Variants in FIGNL1 observed in about 807,000 individuals in gnomAD.
FIGNL1 encodes fidgetin-like protein 1.
Under a neutral mutation model 28.9 loss-of-function variants are expected in FIGNL1, and 11 were observed. The observed-to-expected ratio is 0.38, with a 90% confidence interval of 0.24 to 0.63. The LOEUF is 0.63. Ranked by LOEUF, FIGNL1 falls within the 20% of genes least tolerant of loss-of-function variation. The probability of loss-of-function intolerance (pLI) is 0.57; values close to 1 mark genes in which losing one functional copy is unlikely to be tolerated. For missense variants in FIGNL1, 789 were observed against 810.4 expected (o/e 0.97, Z 0.32); for synonymous variants, 295 against 276.5 (o/e 1.07, Z -0.66).
chr7:50,449,747 C>G (rs1821651755), intron 1 of FIGNL1, 24 bp from the exon 2 acceptor site: 1 of 152,276 alleles, frequency 6.6e-6, no homozygotes, highest in Non-Finnish European at 1.5e-5. Flanking sequence ...GCAGCAACAT[C>G]ACTGAGCTGA....
At position 50,444,884 on chromosome 7, in the gene FIGNL1, A is replaced by C. The variant is rs1224223532; in HGVS notation, c.*379T>G. On this transcript the variant is annotated 3_prime_UTR_variant, in exon 4 of 4. Transcript: ENST00000433017. ...CAAATGTAAACCATTATACTAGCTG[A>C]CATTAAGAATTATGTGGCCATCAGA... is the stretch of plus-strand genomic sequence containing the variant. The C allele has an allele frequency of 6.4e-6, 1 of 155,690 alleles. No homozygotes were observed. The highest frequency in any genetic ancestry group is 2.4e-5 in the African/African-American group (1 of 41,612). 9.6% of individuals were successfully genotyped at this position (155,690 alleles called of 1,614,324 possible).
rs1181436707 is a variant in FIGNL1, at chr7:50,444,669, A to G, written c.*594T>C. 4 of 152,364 alleles carry G rather than the reference A, an allele frequency of 2.6e-5. No homozygotes were observed. The highest frequency in any genetic ancestry group is 3.9e-4 in the East Asian group (2 of 5,194). The allele number at this position is 152,364 out of a possible 1,614,324, so 9.4% of individuals were successfully genotyped here. ...ATCACACGCTCCCGTGAAAATAACC[A>G]ACATTCTTAATTAACCTTTCAGTTC... On this transcript the variant is annotated 3_prime_UTR_variant, in exon 4 of 4. Transcript: ENST00000433017.
In FIGNL1 at chr7:50,445,236, G is replaced by C. The variant is rs1389533748; in HGVS notation, c.*27C>G. 5 of 1,411,780 alleles carry C rather than the reference G, an allele frequency of 3.5e-6. No individual in the cohort carries two copies. Among genetic ancestry groups the C allele is most frequent in the Admixed American group, 2.3e-5 (1 of 43,760 alleles). 87.5% of individuals were successfully genotyped at this position (1,411,780 alleles called of 1,614,324 possible). ...AAAAAATAAAGAAGACTGTACTACA[G>C]AGATGCCTTGATTCCAAGTATCCCA... is the stretch of plus-strand genomic sequence containing the variant. On this transcript the variant is annotated 3_prime_UTR_variant, in exon 4 of 4. Transcript: ENST00000433017.
At position 50,446,849 on chromosome 7, in the gene FIGNL1, C is replaced by G. The variant is rs1562961637; in HGVS notation, c.439G>C (p.Asp147His). 6.2e-7 allele frequency: 1 copy of G among 1,614,114 alleles called. No individual in the cohort carries two copies. Among genetic ancestry groups the G allele is most frequent in the East Asian group, 2.2e-5 (1 of 44,882 alleles). ...CCACAAACACTAAATTTAGGAAGATCAAAGACAGTGGCCTCCTTATGGATT... is the reference window on the plus strand; with the variant it reads ...CCACAAACACTAAATTTAGGAAGATGAAAGACAGTGGCCTCCTTATGGATT... Reference protein sequence around the residue: ...VVIHKEATVFDLPKFSVCGSS... With the variant: ...VVIHKEATVFHLPKFSVCGSS... Residue 147 changes from aspartate (D) to histidine (H), a missense_variant, in exon 4 of 4, where the codon GAT becomes CAT. Asp to His is a moderately conservative substitution (Grantham distance 81). Coordinates refer to ENST00000433017, the MANE Select transcript of FIGNL1 (RefSeq NM_001287492.4).
rs754422904 is a variant in FIGNL1 at position 50,446,751 on chromosome 7, G to A, written c.537C>T (p.Ser179=). The A allele has an allele frequency of 1.7e-4, 275 of 1,614,052 alleles. No homozygotes were observed. Among genetic ancestry groups the A allele is most frequent in the Non-Finnish European group, 2.2e-4 (261 of 1,180,044 alleles). The part of the protein sequence containing the change: ...DRDRTQDFPE[S]NRLKLLQNAQ... ...CATTCTGAAGGAGTTTCAAACGATT[G>A]CTCTCCGGGAAGTCTTGGGTCCGGT... is the stretch of plus-strand genomic sequence containing the variant. Residue 179 remains serine, a synonymous_variant, in exon 4 of 4, where the codon AGC becomes AGT. Coordinates refer to ENST00000433017, the MANE Select transcript of FIGNL1 (RefSeq NM_001287492.4).
rs1425895204 is a variant in FIGNL1 at position 50,445,893 on chromosome 7, G to C, written c.1395C>G (p.Ile465Met). ...ATTTAGAAGTTAAGGATGAAGCAGA[G>C]ATGCTAAAGAATGTTGCCCCAGACT... The part of the protein sequence containing the change: ...ASQSGATFFS[I>M]SASSLTSKWV... The change falls in exon 4 of 4, where the codon ATC (isoleucine) becomes ATG (methionine). Residue 465 changes from isoleucine (I) to methionine (M), a missense_variant. Ile to Met is a conservative substitution (Grantham distance 10). Transcript: ENST00000433017. The C allele has an allele frequency of 1.9e-6, 3 of 1,614,010 alleles. No homozygotes were observed. Among genetic ancestry groups the C allele is most frequent in the African/African-American group, 1.3e-5 (1 of 74,938 alleles).
chr7:50,448,820 A>G (rs1821497071), intron 2 of FIGNL1: 1 of 152,246 alleles, frequency 6.6e-6, no homozygotes, highest in African/African-American at 2.4e-5. Context: ...TTGTTTAAAA[A>G]ACAATTAGAA....
At position 50,446,206 on chromosome 7, in the gene FIGNL1, T is replaced by C; in HGVS notation, c.1082A>G (p.Tyr361Cys). The C allele has an allele frequency of 6.2e-7, 1 of 1,614,222 alleles. No homozygotes were observed. Among genetic ancestry groups the C allele is most frequent in the Non-Finnish European group, 8.5e-7 (1 of 1,180,034 alleles). Residue 361 changes from tyrosine to cysteine, a missense_variant, in exon 4 of 4, where the codon TAT (tyrosine) becomes TGT (cysteine). By Grantham distance (194) the Tyr-to-Cys change is radical. Coordinates refer to ENST00000433017, the MANE Select transcript of FIGNL1 (RefSeq NM_001287492.4). ...EQNGGMQCKP[Y>C]GAGPTEPAHP... ...TGCTGGTTCTGTAGGTCCTGCCCCA[T>C]AAGGCTTACATTGCATTCCTCCATT...
rs757274596 is a variant in FIGNL1, at chr7:50,447,111, G to A, written c.177C>T (p.Phe59=). 3 of 1,614,142 alleles carry A rather than the reference G, an allele frequency of 1.9e-6. No homozygotes were observed. Among genetic ancestry groups the A allele is most frequent in the South Asian group, 1.1e-5 (1 of 91,062 alleles). ...CAGAATATTTCTCTGCATATTTTTT[G>A]AACAGTTTGGTAGCACAGACCTGGG... ...EISQVCATKL[F]KKYAEKYSAI... The change falls in exon 4 of 4, where the codon TTC becomes TTT. Residue 59 remains phenylalanine, a synonymous_variant. Coordinates refer to ENST00000433017, the MANE Select transcript of FIGNL1 (RefSeq NM_001287492.4).
Position 50,446,001 on chromosome 7 carries a change from A to T in FIGNL1, c.1287T>A (p.Gly429=). 3.1e-6 allele frequency: 5 copies of T among 1,614,160 alleles called. No homozygotes were observed. Among genetic ancestry groups the T allele is most frequent in the Non-Finnish European group, 4.2e-6 (5 of 1,180,014 alleles). The change falls in exon 4 of 4, where the codon GGT becomes GGA. Residue 429 remains glycine (G), a synonymous_variant. Transcript: ENST00000433017. ...WPMLRPDIFT[G]LRGPPKGILL... is the part of the protein sequence containing the mutation. ...AAATTCCTTTAGGGGGTCCCCTTAA[A>T]CCAGTAAAGATGTCTGGCCTCAACA...
In FIGNL1 at chr7:50,446,175, T is replaced by C. The variant is rs768803152; in HGVS notation, c.1113A>G (p.Pro371=). 1.9e-6 allele frequency: 3 copies of C among 1,614,224 alleles called. No homozygotes were observed. The highest frequency in any genetic ancestry group is 2.2e-5 in the East Asian group (1 of 44,896). ...YGAGPTEPAH[P]VDERLKNLEP... is the part of the protein sequence containing the mutation. The stretch of plus-strand genomic sequence containing the variant: ...CCAAGTTCTTCAGACGCTCATCAAC[T>C]GGATGTGCTGGTTCTGTAGGTCCTG... Residue 371 remains proline, a synonymous_variant, in exon 4 of 4, where the codon CCA becomes CCG. Coordinates refer to ENST00000433017, the MANE Select transcript of FIGNL1 (RefSeq NM_001287492.4).
In FIGNL1 at chr7:50,445,802, C is replaced by T; in HGVS notation, c.1486G>A (p.Val496Met). Residue 496 changes from valine to methionine, a missense_variant, in exon 4 of 4, where the codon GTG becomes ATG. Physicochemically the swap from Val to Met is conservative, Grantham distance 21 (BLOSUM62 1). Transcript: ENST00000433017. Reference sequence around the variant, plus strand: ...GAATCAATTTCGTCAATAAATATCACAGCTGGTTGCTGACACCTTGCAACA... The same window carrying T: ...GAATCAATTTCGTCAATAAATATCATAGCTGGTTGCTGACACCTTGCAACA... ...FAVARCQQPA[V>M]IFIDEIDSLL... 6.2e-7 allele frequency: 1 copy of T among 1,614,232 alleles called. No homozygotes were observed. The highest frequency in any genetic ancestry group is 8.5e-7 in the Non-Finnish European group (1 of 1,180,038).
At position 50,445,941 on chromosome 7, in the gene FIGNL1, TAG is replaced by T; in HGVS notation, c.1345_1346del (p.Leu449AsnfsTer7). The T allele has an allele frequency of 1.9e-6, 3 of 1,614,098 alleles. No individual in the cohort carries two copies. The highest frequency in any genetic ancestry group is 2.5e-6 in the Non-Finnish European group (3 of 1,180,018). Reference protein sequence around the residue: ...LFGPPGTGKTLIGKCIASQSG... With the variant: ...LFGPPGTGKTXIGKCIASQSG... The stretch of plus-strand genomic sequence containing the variant: ...ACTGACTAGCAATGCACTTGCCAAT[TAG>T]AGTTTTACCAGTCCCAGGAGGACCA... On this transcript the variant is annotated frameshift_variant, in exon 4 of 4. Transcript: ENST00000433017. LOFTEE classifies it high-confidence loss of function.
chr7:50,445,204 C>G lies in FIGNL1; in HGVS notation c.*59G>C. On this transcript the variant is annotated 3_prime_UTR_variant, in exon 4 of 4. Transcript: ENST00000433017. ...ATACAATTAACACATCCCCAACTTT[C>G]TATGCTAAAAAATAAAGAAGACTGT... 9.1e-7 allele frequency: 1 copy of G among 1,100,786 alleles called. No individual in the cohort carries two copies. The highest frequency in any genetic ancestry group is 1.3e-6 in the Non-Finnish European group (1 of 787,808). The allele number at this position is 1,100,786 out of a possible 1,614,324, so 68.2% of individuals were successfully genotyped here. A position where few individuals can be genotyped will look rare whatever the true frequency, so the allele number is the denominator to read the frequency against.
rs1820888366 is a variant in FIGNL1 at position 50,446,562 on chromosome 7, T to A, written c.726A>T (p.Leu242Phe). ...AKENIGLNVF[L>F]SNQSCFPAAC... is the part of the protein sequence containing the mutation. Reference sequence around the variant, plus strand: ...CAGCAGGAAAACAAGACTGGTTAGATAAGAACACATTAAGTCCTATGTTTT... The same window carrying A: ...CAGCAGGAAAACAAGACTGGTTAGAAAAGAACACATTAAGTCCTATGTTTT... The change falls in exon 4 of 4, where the codon TTA becomes TTT. Residue 242 changes from leucine to phenylalanine, a missense_variant. Coordinates refer to ENST00000433017, the MANE Select transcript of FIGNL1 (RefSeq NM_001287492.4). 6.2e-7 allele frequency: 1 copy of A among 1,614,156 alleles called. No individual in the cohort carries two copies. The highest frequency in any genetic ancestry group is 8.5e-7 in the Non-Finnish European group (1 of 1,180,030).
chr7:50,446,909 C>G lies in FIGNL1; in HGVS notation c.379G>C (p.Asp127His), dbSNP rs1439646706. The G allele has an allele frequency of 1.2e-6, 2 of 1,614,076 alleles. No individual in the cohort carries two copies. Among genetic ancestry groups the G allele is most frequent in the Non-Finnish European group, 1.7e-6 (2 of 1,180,046 alleles). ...KMMQAGKKFK[D>H]SLLEPALASV... is the part of the protein sequence containing the mutation. ...GCAAGAGCAGGTTCCAACAGAGAGT[C>G]TTTGAATTTTTTGCCAGCTTGCATC... The change falls in exon 4 of 4, where the codon GAC (aspartate) becomes CAC (histidine). Residue 127 changes from aspartate to histidine, a missense_variant. By Grantham distance (81) the Asp-to-His change is moderately conservative. Coordinates refer to ENST00000433017, the MANE Select transcript of FIGNL1 (RefSeq NM_001287492.4).
chr7:50,444,210 C>A lies in FIGNL1; in HGVS notation c.*1053G>T, dbSNP rs564340445. On this transcript the variant is annotated 3_prime_UTR_variant, in exon 4 of 4. Transcript: ENST00000433017. Reference sequence around the variant, plus strand: ...TTTTTAAAAAGATCACCAAATGCATCCCACATAGTTCCTTTACAATAAACA... The same window carrying A: ...TTTTTAAAAAGATCACCAAATGCATACCACATAGTTCCTTTACAATAAACA... The A allele has an allele frequency of 6.6e-6, 1 of 152,314 alleles. No individual in the cohort carries two copies. The highest frequency in any genetic ancestry group is 2.4e-5 in the African/African-American group (1 of 41,568). 9.4% of individuals were successfully genotyped at this position (152,314 alleles called of 1,614,324 possible).
chr7:50,450,079 A>G (rs1821739718), intron 1 of FIGNL1: 1 of 152,302 alleles, frequency 6.6e-6, no homozygotes, highest in Admixed American at 6.5e-5. Context: ...ATCCTGGATG[A>G]GTCTGGTTCT....
chr7:50,445,894 A>G lies in FIGNL1; in HGVS notation c.1394T>C (p.Ile465Thr). ...ASQSGATFFS[I>T]SASSLTSKWV... ...TTTAGAAGTTAAGGATGAAGCAGAG[A>G]TGCTAAAGAATGTTGCCCCAGACTG... Residue 465 changes from isoleucine (I) to threonine (T), a missense_variant, in exon 4 of 4, where the codon ATC becomes ACC. By Grantham distance (89) the Ile-to-Thr change is moderately conservative. Transcript: ENST00000433017. 1 of 1,614,130 alleles carries G rather than the reference A, an allele frequency of 6.2e-7. No homozygotes were observed. Among genetic ancestry groups the G allele is most frequent in the Non-Finnish European group, 8.5e-7 (1 of 1,180,042 alleles).
Sources: gnomAD v4.1 joint callset for allele counts on GRCh38, gnomAD v4.1.1 for gene constraint, MANE v1.5 for transcripts, NCBI Gene and HGNC (gene_info 2026-07-23, HGNC 2026-07-21) for gene names.